PCOLCE2: variants seen among roughly 807,000 people sequenced by gnomAD.
The protein encoded by PCOLCE2 is procollagen C-proteinase enhancer 2.
In PCOLCE2, 42 loss-of-function variants were observed where a neutral mutation model predicts 47.0. That is an observed-to-expected ratio of 0.89 (90% CI 0.70 to 1.16). The LOEUF (loss-of-function observed/expected upper bound fraction) is 1.16. Among genes scored for constraint, PCOLCE2 ranks in the 50% most tolerant of loss-of-function variants. The probability of loss-of-function intolerance (pLI) is 0.00; values close to 1 mark genes in which losing one functional copy is unlikely to be tolerated. For synonymous variants in PCOLCE2, 169 were observed against 191.7 expected, an observed-to-expected ratio of 0.88 and a Z score of 0.98; for missense variants, 500 against 526.1, an observed-to-expected ratio of 0.95 and a Z score of 0.49.
chr3:142,818,953 C>T (rs1936982905), intron 8 of PCOLCE2, among the ~76,000 whole-genome samples: 1 of 152,202 alleles, frequency 6.6e-6, no homozygotes, highest in Non-Finnish European at 1.5e-5. Context: ...CGAGGGGCCT[C>T]CAGGGCTCCA....
chr3:142,833,273 C>T (rs565451988), intron 5 of PCOLCE2, among the ~76,000 whole-genome samples: 4 of 152,054 alleles, frequency 2.6e-5, no homozygotes, highest in Non-Finnish European at 5.9e-5. Flanking sequence ...ACTGCAACTT[C>T]CATCTTCTGG....
intron 2 of PCOLCE2, among the ~76,000 whole-genome samples, chr3:142,874,182 T>G (rs1439307400): frequency 6.6e-6 from 1 of 152,170 alleles, no homozygotes; most frequent in African/African-American, 2.4e-5. Context: ...TTCAAGCAAT[T>G]CTCCTGCCTC....
chr3:142,855,704 T>TC (rs1933047926), intron 2 of PCOLCE2, among the ~76,000 whole-genome samples: 1 of 152,140 alleles, frequency 6.6e-6, no homozygotes, highest in African/African-American at 2.4e-5. Context: ...ATGCACCCAT[T>TC]ACCTCCAGGC....
chr3:142,868,300 G>GC (rs1447216690), intron 2 of PCOLCE2, among the ~76,000 whole-genome samples: 1 of 151,970 alleles, frequency 6.6e-6, no homozygotes, highest in Non-Finnish European at 1.5e-5. Flanking sequence ...AAAATTCTAA[G>GC]CCCCCCAACC....
chr3:142,880,497 G>GATATACTAGACTAT (rs1933592292), intron 2 of PCOLCE2, among the ~76,000 whole-genome samples: 1 of 152,158 alleles, frequency 6.6e-6, no homozygotes, highest in Non-Finnish European at 1.5e-5. Flanking sequence ...TATACACCCA[G>GATATACTAGACTAT]CACTGATCTT....
chr3:142,847,042 A>G (rs1937335343), intron 3 of PCOLCE2, among the ~76,000 whole-genome samples: 1 of 152,234 alleles, frequency 6.6e-6, no homozygotes, highest in Admixed American at 6.5e-5. Flanking sequence ...GACATTATGC[A>G]TGATACATTA....
intron 5 of PCOLCE2, among the ~76,000 whole-genome samples, chr3:142,833,809 G>C (rs1937176750): frequency 6.6e-6 from 1 of 151,810 alleles, no homozygotes; most frequent in African/African-American, 2.4e-5. Context: ...TAATTTTTAG[G>C]ATTTCTTAAT....
intron 5 of PCOLCE2, among the ~76,000 whole-genome samples, chr3:142,833,347 A>G (rs775323154): frequency 2.0e-5 from 3 of 151,858 alleles, no homozygotes; most frequent in Non-Finnish European, 2.9e-5. Context: ...ACCAGGCGAC[A>G]TTAATTGTTT....
intron 2 of PCOLCE2, among the ~76,000 whole-genome samples, chr3:142,874,303 C>T (rs1258117087): frequency 2.6e-5 from 4 of 152,064 alleles, no homozygotes; most frequent in Admixed American, 6.6e-5. Flanking sequence ...CTTGATCTTC[C>T]GACTTTGTGA....
intron 2 of PCOLCE2, among the ~76,000 whole-genome samples, chr3:142,878,185 G>A (rs1313948208): frequency 2.6e-5 from 4 of 152,116 alleles, no homozygotes. Context: ...GGAGCAGCTT[G>A]GGGGTGAGGT....
At chr3:142,827,082 T>C in intron 6 of PCOLCE2, 7 of 1,285,676 alleles carry the variant, frequency 5.4e-6, no homozygotes, top group Non-Finnish European at 6.7e-6. Context: ...CAAACTTTAT[T>C]GAGCCCCTTA....
At chr3:142,846,032 C>A (rs931700209) in intron 3 of PCOLCE2, among the ~76,000 whole-genome samples, 9 of 152,226 alleles carry the variant, frequency 5.9e-5, no homozygotes, top group African/African-American at 2.2e-4. Context: ...GAAATGGAAG[C>A]CATCATTCTT....
chr3:142,874,460 A>G (rs1933460118), intron 2 of PCOLCE2, among the ~76,000 whole-genome samples: 1 of 152,110 alleles, frequency 6.6e-6, no homozygotes, highest in African/African-American at 2.4e-5. Flanking sequence ...TTCCACCATG[A>G]TTGTAAGTTT....
chr3:142,875,378 C>G (rs1933478823), intron 2 of PCOLCE2, among the ~76,000 whole-genome samples: 2 of 152,162 alleles, frequency 1.3e-5, no homozygotes, highest in African/African-American at 4.8e-5. Flanking sequence ...ACAGTGTTCA[C>G]CAGGTTTTTT....
intron 5 of PCOLCE2, among the ~76,000 whole-genome samples, chr3:142,837,687 TAC>T (rs1578033749): frequency 6.6e-6 from 1 of 152,194 alleles, no homozygotes; most frequent in African/African-American, 2.4e-5. Flanking sequence ...TGCACCAAAA[TAC>T]AGTTATATAT....
At chr3:142,851,940 G>C (rs1281931908) in intron 2 of PCOLCE2, among the ~76,000 whole-genome samples, 1 of 152,092 alleles carries the variant, frequency 6.6e-6, no homozygotes, top group East Asian at 1.9e-4. Flanking sequence ...TAAATCATTT[G>C]TTCCCAAAAG....
Position 142,829,768 on chromosome 3 carries a change from ACC to A in PCOLCE2, c.787_788del (p.Gly263SerfsTer39). ...GTTTTTTTGGCCTGAATATGTAGTG[ACC>A]AATAAACCCATCTGCAGTTAAACTT... ...DLSLTADGFIGHYIFRPKKLP... is the reference protein window; with the variant it reads ...DLSLTADGFIXHYIFRPKKLP... On this transcript the variant is annotated frameshift_variant, in exon 6 of 9. Transcript: ENST00000295992. LOFTEE classifies it high-confidence loss of function. The A allele has an allele frequency of 6.2e-7, 1 of 1,609,280 alleles. No individual in the cohort carries two copies. Among genetic ancestry groups the A allele is most frequent in the Non-Finnish European group, 8.5e-7 (1 of 1,176,196 alleles).
intron 2 of PCOLCE2, among the ~76,000 whole-genome samples, chr3:142,878,367 C>T (rs750041011): frequency 2.0e-5 from 3 of 152,172 alleles, no homozygotes; most frequent in Non-Finnish European, 4.4e-5. Context: ...GAGAAAAACA[C>T]TTATTTTCTC....
chr3:142,843,382 A>T (rs1937289863), intron 3 of PCOLCE2: 4 of 445,014 alleles, frequency 9.0e-6, no homozygotes, highest in Non-Finnish European at 1.3e-5. Flanking sequence ...AATCATAGAG[A>T]TGTTAAGGCT....
Sources: allele counts gnomAD v4.1 joint callset (sites outside exome capture counted in the v4.1 genomes callset), GRCh38; gene constraint gnomAD v4.1.1; transcripts MANE v1.5; gene names NCBI Gene and HGNC (gene_info 2026-07-23, HGNC 2026-07-21).